The following NTM variants were observed in gnomAD, a reference collection of about 807,000 sequenced individuals.
NTM encodes neurotrimin.
A neutral mutation model predicts 42.1 loss-of-function variants in NTM; 13 were observed. The observed-to-expected ratio is 0.31, with a 90% CI of 0.20 to 0.49. The LOEUF is 0.49. Ranked by LOEUF, NTM falls within the 20% of genes least tolerant of loss-of-function variation. The pLI, the probability that NTM is intolerant of heterozygous loss-of-function variation, is 0.99. For missense variants in NTM, 373 were observed against 452.8 expected (o/e 0.82, Z 1.60); for synonymous variants, 187 against 179.2 (o/e 1.04, Z -0.35).
chr11:131,444,203 C>CAAAAAAAAAAAAAAAAAAAAAAAAAAAA (rs71475757), intron 1 of NTM, among the ~76,000 whole-genome samples: 1 of 49,516 alleles, frequency 2.0e-5, no homozygotes, highest in Non-Finnish European at 3.6e-5. Flanking sequence ...AGGTTAGAAC[C>CAAAAAAAAAAAAAAAAAAAAAAAAAAAA]AAAAAAAAAA....
chr11:131,723,493 G>T (rs899417412), intron 1 of NTM, among the ~76,000 whole-genome samples: 5 of 152,190 alleles, frequency 3.3e-5, no homozygotes, highest in Non-Finnish European at 5.9e-5. Context: ...GATGGTAAAA[G>T]GTCACTCCTT....
chr11:131,508,817 T>G (rs1399705838), intron 1 of NTM, among the ~76,000 whole-genome samples: 5 of 146,608 alleles, frequency 3.4e-5, no homozygotes, highest in Non-Finnish European at 7.4e-5. Context: ...TTCTCACTCA[T>G]AGGTGGGAAT....
At chr11:131,460,433 A>G (rs1951271485) in intron 1 of NTM, among the ~76,000 whole-genome samples, 1 of 152,248 alleles carries the variant, frequency 6.6e-6, no homozygotes, top group Admixed American at 6.5e-5. Context: ...ACATAATGAC[A>G]ACAATAATGA....
At chr11:132,254,633 T>TTC (rs1449940297) in intron 4 of NTM, among the ~76,000 whole-genome samples, 3 of 152,058 alleles carry the variant, frequency 2.0e-5, no homozygotes, top group African/African-American at 7.2e-5. Flanking sequence ...ATGTGATCCC[T>TTC]TCTCTCTCTC....
At chr11:132,204,586 GC>G (rs1168040373) in intron 3 of NTM, among the ~76,000 whole-genome samples, 1 of 152,122 alleles carries the variant, frequency 6.6e-6, no homozygotes. Context: ...CAGGAGAAAG[GC>G]AAGTGTGAAG....
chr11:132,063,142 C>T (rs931693740), intron 2 of NTM, among the ~76,000 whole-genome samples: 14 of 152,116 alleles, frequency 9.2e-5, no homozygotes. Flanking sequence ...CTCCTGTGTC[C>T]TCATGTGGTA....
chr11:132,116,501 G>A lies in NTM; in HGVS notation c.168-29781G>A, dbSNP rs139968317. On this transcript the variant is annotated intron_variant, in intron 2 of 8. Transcript: ENST00000683400. ...GCAGAGAATGTTGGGAAATGAAGGG[G>A]ACAGATACATGAGTGCCCGCACCTC... Among the ~76,000 whole-genome samples, 381 of 152,278 alleles carry A rather than the reference G, an allele frequency of 2.5e-3. 3 individuals are homozygous for A. Among genetic ancestry groups the A allele is most frequent in the African/African-American group, 8.4e-3 (350 of 41,542 alleles).
At chr11:131,570,091 C>A (rs182434019) in intron 1 of NTM, among the ~76,000 whole-genome samples, 7 of 152,342 alleles carry the variant, frequency 4.6e-5, no homozygotes, top group Admixed American at 4.6e-4. Flanking sequence ...CTATATCAGT[C>A]TTCCTTTTCC....
intron 1 of NTM, among the ~76,000 whole-genome samples, chr11:131,692,210 G>C (rs1592580781): frequency 6.7e-6 from 1 of 149,154 alleles, no homozygotes; most frequent in South Asian, 2.1e-4. Context: ...GCCTACAAGA[G>C]GTGCCACCTC....
intron 3 of NTM, among the ~76,000 whole-genome samples, chr11:132,194,545 G>A (rs1024429469): frequency 6.6e-6 from 1 of 152,090 alleles, no homozygotes; most frequent in African/African-American, 2.4e-5. Flanking sequence ...CATTCCCCTT[G>A]AGAAATTCAA....
chr11:131,811,068 AC>A (rs2092711015), intron 1 of NTM, among the ~76,000 whole-genome samples: 1 of 152,224 alleles, frequency 6.6e-6, no homozygotes. Context: ...ATTGTCACTC[AC>A]GTGAATTCCA....
chr11:131,605,897 T>A, intron 1 of NTM: 1 of 981,946 alleles, frequency 1.0e-6, no homozygotes. Context: ...CTATTAATCA[T>A]TGTTTCAATT....
intron 1 of NTM, among the ~76,000 whole-genome samples, chr11:131,491,840 C>A (rs990014359): frequency 6.6e-6 from 1 of 152,178 alleles, no homozygotes; most frequent in Non-Finnish European, 1.5e-5. Flanking sequence ...AGGACACGCT[C>A]AGATCTGGTG....
At chr11:131,896,750 G>A (rs2052344087) in intron 1 of NTM, among the ~76,000 whole-genome samples, 1 of 140,362 alleles carries the variant, frequency 7.1e-6, no homozygotes, top group South Asian at 2.3e-4. Flanking sequence ...GTGCGGTGGT[G>A]TGATCTCAGC....
intron 1 of NTM, among the ~76,000 whole-genome samples, chr11:131,564,868 T>TACACACAC (rs58633675): frequency 4.0e-5 from 6 of 151,568 alleles, no homozygotes; most frequent in African/African-American, 1.5e-4. Flanking sequence ...TACACACACA[T>TACACACAC]ACACACACAC....
chr11:131,983,052 A>ATTTTTTTTTTTTTT (rs11418861), intron 2 of NTM, among the ~76,000 whole-genome samples: 1 of 145,396 alleles, frequency 6.9e-6, no homozygotes, highest in Non-Finnish European at 1.5e-5. Context: ...AAGGAAAATG[A>ATTTTTTTTTTTTTT]TTTTTTTTTT....
intron 2 of NTM, among the ~76,000 whole-genome samples, chr11:131,977,009 G>A (rs1461284413): frequency 6.7e-6 from 1 of 148,188 alleles, no homozygotes; most frequent in Non-Finnish European, 1.5e-5. Flanking sequence ...GCACAGGGGT[G>A]ACCAGCCCCA....
At chr11:131,988,403 TTGG>T (rs1209227028) in intron 2 of NTM, among the ~76,000 whole-genome samples, 1 of 152,144 alleles carries the variant, frequency 6.6e-6, no homozygotes, top group Non-Finnish European at 1.5e-5. Flanking sequence ...GTCAGAGGAA[TTGG>T]TGGTCTGATC....
intron 1 of NTM, among the ~76,000 whole-genome samples, chr11:131,568,794 G>A (rs951798754): frequency 1.3e-5 from 2 of 152,178 alleles, no homozygotes; most frequent in Non-Finnish European, 2.9e-5. Flanking sequence ...TAGAATATGA[G>A]GGGGCCTTAG....
Sources: allele counts gnomAD v4.1 joint callset (sites outside exome capture counted in the v4.1 genomes callset), GRCh38; gene constraint gnomAD v4.1.1; transcripts MANE v1.5; gene names NCBI Gene and HGNC (gene_info 2026-07-23, HGNC 2026-07-21).